Variants in TTLL5 observed in about 807,000 individuals in gnomAD.
The protein encoded by TTLL5 is tubulin tyrosine ligase like 5, also known as tubulin polyglutamylase TTLL5.
TTLL5 carries 132 observed loss-of-function variants against 168.4 expected under a neutral mutation model. That is an observed-to-expected ratio of 0.78 (90% CI 0.68 to 0.91). The LOEUF (loss-of-function observed/expected upper bound fraction) is 0.91, where lower values mean the gene tolerates loss of function less well. Ranked by LOEUF, TTLL5 falls within the 40% of genes least tolerant of loss-of-function variation. The pLI is 0.00. For synonymous variants in TTLL5, 546 were observed against 558.6 expected (o/e 0.98, Z 0.32); for missense variants, 1,545 against 1,581.5 (o/e 0.98, Z 0.39).
intron 30 of TTLL5, among the ~76,000 whole-genome samples, chr14:75,888,288 G>A (rs990873467): frequency 6.6e-6 from 1 of 152,198 alleles, no homozygotes; most frequent in Admixed American, 6.5e-5. Context: ...AAAGCTACAT[G>A]AGAGTCATGG....
chr14:75,926,025 CAGAGGGAGACCGGGGAAAGAGAGGG>C lies in TTLL5; in HGVS notation c.3823+23814_3823+23838del, dbSNP rs548452183. ...GTATAGTCCAGCTTCGCCTTGGCAT[CAGAGGGAGACCGGGGAAAGAGAGGG>C]AGAGGGAGACCGTGGGCCGTGGGCC... On this transcript the variant is annotated intron_variant, in intron 31 of 31. Coordinates refer to ENST00000298832, the MANE Select transcript of TTLL5 (RefSeq NM_015072.5). Among the ~76,000 whole-genome samples the C allele has an allele frequency of 8.5e-3, 1,279 of 151,356 alleles. 42 individuals carry two copies. The highest frequency in any genetic ancestry group is 0.03 in the African/African-American group (1,215 of 40,852).
intron 27 of TTLL5, among the ~76,000 whole-genome samples, chr14:75,818,918 C>T (rs1228526248): frequency 6.6e-6 from 1 of 152,166 alleles, no homozygotes; most frequent in African/African-American, 2.4e-5. Context: ...GCTTGATTTT[C>T]AGTATTCACA....
chr14:75,732,237 A>T (rs1888594049), intron 12 of TTLL5, 101 bp from the exon 13 acceptor site: 13 of 899,146 alleles, frequency 1.4e-5, no homozygotes, highest in Non-Finnish European at 1.7e-5. Flanking sequence ...ACACTCAGTG[A>T]GTTTCTAGGC....
At chr14:75,839,492 A>C (rs1211999273) in intron 28 of TTLL5, among the ~76,000 whole-genome samples, 1 of 152,214 alleles carries the variant, frequency 6.6e-6, no homozygotes, top group South Asian at 2.1e-4. Context: ...ACAGTTTCAC[A>C]TGGCTGGGGA....
intron 9 of TTLL5, 21 bp downstream of exon 9, chr14:75,707,728 G>A: frequency 7.3e-7 from 1 of 1,366,400 alleles, no homozygotes; most frequent in Non-Finnish European, 1.0e-6. Flanking sequence ...GTTTGGGGGT[G>A]AAGGGGTTGG....
intron 18 of TTLL5, among the ~76,000 whole-genome samples, chr14:75,757,177 C>T (rs984588555): frequency 6.6e-6 from 1 of 152,082 alleles, no homozygotes; most frequent in Non-Finnish European, 1.5e-5. Context: ...AGGGTTTCAC[C>T]GTATTGCCCA....
intron 3 of TTLL5, among the ~76,000 whole-genome samples, chr14:75,677,134 CTT>C (rs953063649): frequency 2.6e-5 from 4 of 152,056 alleles, no homozygotes; most frequent in East Asian, 1.9e-4. Flanking sequence ...ATACTAATGA[CTT>C]TTATTATTTT....
intron 31 of TTLL5, among the ~76,000 whole-genome samples, chr14:75,906,857 A>G (rs2033168215): frequency 6.6e-6 from 1 of 152,228 alleles, no homozygotes; most frequent in African/African-American, 2.4e-5. Context: ...AGCTCCAAAT[A>G]GTTTGCTCCT....
At chr14:75,881,225 C>T (rs983669656) in intron 29 of TTLL5, among the ~76,000 whole-genome samples, 3 of 152,172 alleles carry the variant, frequency 2.0e-5, no homozygotes, top group Non-Finnish European at 4.4e-5. Flanking sequence ...TGTCTTTGTT[C>T]CTCTTCTGTG....
intron 18 of TTLL5, chr14:75,757,767 G>C: frequency 1.4e-6 from 2 of 1,456,506 alleles, no homozygotes; most frequent in Non-Finnish European, 1.8e-6. Flanking sequence ...GCATGTGTGT[G>C]TGAACTTAAG....
intron 17 of TTLL5, among the ~76,000 whole-genome samples, chr14:75,750,828 A>G (rs1027116583): frequency 2.6e-4 from 39 of 152,130 alleles, no homozygotes; most frequent in African/African-American, 9.2e-4. Flanking sequence ...AAAATAGAGC[A>G]GTTAAAACAA....
intron 22 of TTLL5, among the ~76,000 whole-genome samples, chr14:75,776,349 A>C (rs757533568): frequency 6.6e-6 from 1 of 152,222 alleles, no homozygotes; most frequent in African/African-American, 2.4e-5. Flanking sequence ...GGAAGCTGGT[A>C]TAAGAGTACC....
chr14:75,675,740 C>CAT (rs1474276234), intron 3 of TTLL5, among the ~76,000 whole-genome samples: 1 of 152,064 alleles, frequency 6.6e-6, no homozygotes, highest in Admixed American at 6.5e-5. Context: ...AAAGCCTAGG[C>CAT]ATATTAGTCA....
intron 30 of TTLL5, among the ~76,000 whole-genome samples, chr14:75,890,021 A>G (rs1209169339): frequency 2.6e-5 from 4 of 152,344 alleles, no homozygotes; most frequent in East Asian, 1.9e-4. Flanking sequence ...CTGAAAGATG[A>G]AAAAGAAATT....
intron 31 of TTLL5, among the ~76,000 whole-genome samples, chr14:75,927,584 G>A (rs551208337): frequency 2.0e-5 from 3 of 152,192 alleles, no homozygotes; most frequent in African/African-American, 4.8e-5. Flanking sequence ...CTGTTCATTC[G>A]TCCAACAAAT....
chr14:75,923,148 C>T (rs1175589129), intron 31 of TTLL5, among the ~76,000 whole-genome samples: 4 of 152,262 alleles, frequency 2.6e-5, no homozygotes, highest in African/African-American at 2.4e-5. Context: ...TTGATCTTCT[C>T]AAAAAACCAG....
At chr14:75,757,869 G>T in intron 18 of TTLL5, 1 of 1,589,372 alleles carries the variant, frequency 6.3e-7, no homozygotes, top group Non-Finnish European at 8.5e-7. Context: ...GGAAGAACAC[G>T]GTAATTGACT....
chr14:75,697,804 A>G (rs1034846441), intron 6 of TTLL5, among the ~76,000 whole-genome samples: 1 of 152,208 alleles, frequency 6.6e-6, no homozygotes, highest in Non-Finnish European at 1.5e-5. Flanking sequence ...AACCAGAAGA[A>G]CAGAAACTAT....
In TTLL5 at chr14:75,669,546, G is replaced by C. The variant is rs140592114; in HGVS notation, c.181+24G>C. On this transcript the variant is annotated intron_variant, in intron 3 of 31. Transcript: ENST00000298832. ...AGGTGCGTATAACCTCTCCCACAGA[G>C]GACGGAGCTGGGCATGGCCCAGACG... 3.0e-3 allele frequency: 4,840 copies of C among 1,603,222 alleles called. 103 individuals are homozygous for C. The African/African-American group carries it at 0.046, about 15-fold the overall frequency.
Sources: allele counts gnomAD v4.1 joint callset (sites outside exome capture counted in the v4.1 genomes callset), GRCh38; gene constraint gnomAD v4.1.1; transcripts MANE v1.5; gene names NCBI Gene and HGNC (gene_info 2026-07-23, HGNC 2026-07-21).